The following ADGRE3 variants were observed in gnomAD, a reference collection of about 807,000 sequenced individuals.
The protein encoded by ADGRE3 is EGF-like module receptor 3.
In ADGRE3, 88 loss-of-function variants were observed where a neutral mutation model predicts 80.1. That is an observed-to-expected ratio of 1.10 (90% CI 0.93 to 1.31). The LOEUF is 1.31. Ranked by LOEUF, ADGRE3 falls within the 40% of genes most tolerant of loss-of-function variation. The pLI is 0.00. For missense variants in ADGRE3, 715 were observed against 776.5 expected (o/e 0.92, Z 0.94); for synonymous variants, 281 against 294.8 (o/e 0.95, Z 0.48).
rs377703147 is a variant in ADGRE3, at chr19:14,641,432, C to T, written c.1235G>A (p.Arg412Gln). 65 of 1,614,032 alleles carry T rather than the reference C, an allele frequency of 4.0e-5. No homozygotes were observed. Among genetic ancestry groups the T allele is most frequent in the African/African-American group, 2.3e-4 (17 of 74,994 alleles). The stretch of plus-strand genomic sequence containing the variant: ...CACTGTCAGTACCTTGGGTTCAGTT[C>T]GATCAATCCCCACGAGGAAGAGGAG... ...AHLLFLVGIDRTEPKVLCSII... is the reference protein window; with the variant it reads ...AHLLFLVGIDQTEPKVLCSII... The change falls in exon 10 of 16, where the codon CGA becomes CAA. Residue 412 changes from arginine to glutamine, a missense_variant. Arg to Gln is a conservative substitution (Grantham distance 43). Coordinates refer to ENST00000253673, the MANE Select transcript of ADGRE3 (RefSeq NM_032571.5).
At chr19:14,649,460 C>G (rs1971523347) in intron 7 of ADGRE3, among the ~76,000 whole-genome samples, 1 of 146,942 alleles carries the variant, frequency 6.8e-6, no homozygotes, top group Non-Finnish European at 1.5e-5. Context: ...CTCTTTCCAC[C>G]TTTTTCCCCA....
intron 4 of ADGRE3, among the ~76,000 whole-genome samples, chr19:14,659,822 GAAAAAAAAA>G (rs66908687): frequency 2.2e-5 from 1 of 44,840 alleles, no homozygotes; most frequent in Non-Finnish European, 3.9e-5. Flanking sequence ...CTCTGCCTCT[GAAAAAAAAA>G]AAAAAAAAAA....
At chr19:14,624,187 C>T (rs749683374) in intron 15 of ADGRE3, among the ~76,000 whole-genome samples, 4 of 151,910 alleles carry the variant, frequency 2.6e-5, no homozygotes, top group Admixed American at 6.6e-5. Flanking sequence ...CTCTGCTGCC[C>T]GGATTCAAGC....
chr19:14,604,593 T>C, the ADGRE3 span, among the ~76,000 whole-genome samples: 1 of 151,948 alleles, frequency 6.6e-6, no homozygotes, highest in Non-Finnish European at 1.5e-5. Context: ...TGAAACCCTG[T>C]TTCTACTAAA....
chr19:14,644,095 A>T lies in ADGRE3; in HGVS notation c.1050+13T>A, dbSNP rs747232328. 1 of 1,465,526 alleles carries T rather than the reference A, an allele frequency of 6.8e-7. No individual in the cohort carries two copies. Among genetic ancestry groups the T allele is most frequent in the Non-Finnish European group, 9.1e-7 (1 of 1,101,772 alleles). 90.8% of individuals were successfully genotyped at this position (1,465,526 alleles called of 1,614,324 possible). A position where few individuals can be genotyped will look rare whatever the true frequency, so the allele number is the denominator to read the frequency against. ...AAAGTATTTGCTGGAAGAATAAAAC[A>T]TATACATCATACCTGGCTGGTCAGG... On this transcript the variant is annotated intron_variant, in intron 9 of 15. Transcript: ENST00000253673.
intron 2 of ADGRE3, 102 bp from the exon 3 acceptor site, chr19:14,663,642 C>A: frequency 7.3e-7 from 1 of 1,377,338 alleles, no homozygotes. Context: ...AGTTCAAGAG[C>A]AGCCTGGCCA....
chr19:14,608,659 A>G, the ADGRE3 span, among the ~76,000 whole-genome samples: 1 of 134,806 alleles, frequency 7.4e-6, no homozygotes, highest in Non-Finnish European at 1.6e-5. Context: ...TTTGAGACAG[A>G]GTCTCACTCT....
intron 15 of ADGRE3, chr19:14,621,834 T>A: frequency 9.6e-7 from 1 of 1,045,820 alleles, no homozygotes; most frequent in East Asian, 2.6e-5. Context: ...CCAGCTACAA[T>A]TGGAATGATG....
chr19:14,636,133 T>TTCCTTCCTTCCTTC (rs1555755829), intron 11 of ADGRE3, among the ~76,000 whole-genome samples: 8 of 37,810 alleles, frequency 2.1e-4, no homozygotes, highest in East Asian at 1.1e-3. Flanking sequence ...TTTCTTTCTT[T>TTCCTTCCTTCCTTC]CTTTCTTTCT....
chr19:14,665,949 T>TATATATATA (rs1972089210), intron 2 of ADGRE3, among the ~76,000 whole-genome samples: 1 of 104,252 alleles, frequency 9.6e-6, no homozygotes, highest in African/African-American at 3.4e-5. Flanking sequence ...TATATATATA[T>TATATATATA]ATATATATAT....
At chr19:14,617,307 C>T (rs1200857591), downstream of ADGRE3, among the ~76,000 whole-genome samples, 6 of 141,526 alleles carry the variant, frequency 4.2e-5, no homozygotes, top group Non-Finnish European at 9.4e-5. Flanking sequence ...CTCTTCCTCT[C>T]TCTCTTCCCC....
rs1971955638 is a variant in ADGRE3 at position 14,661,958 on chromosome 19, C to T, written c.355+5G>A. The T allele has an allele frequency of 6.2e-7, 1 of 1,613,724 alleles. No homozygotes were observed. The highest frequency in any genetic ancestry group is 8.5e-7 in the Non-Finnish European group (1 of 1,179,740). On this transcript the variant is annotated splice_donor_5th_base_variant and intron_variant, in intron 4 of 15. Coordinates refer to ENST00000253673, the MANE Select transcript of ADGRE3 (RefSeq NM_032571.5). ...AGGAAGGCAGGAGGACAAAAATGTT[C>T]TTACCCTGACAGGTGTTCTCATTGG...
At position 14,644,201 on chromosome 19, in the gene ADGRE3, A is replaced by T; in HGVS notation, c.957T>A (p.Asp319Glu). The change falls in exon 9 of 16, where the codon GAT becomes GAA. Residue 319 changes from aspartate (D) to glutamate (E), a missense_variant. Physicochemically the swap from Asp to Glu is conservative, Grantham distance 45 (BLOSUM62 2). Coordinates refer to ENST00000253673, the MANE Select transcript of ADGRE3 (RefSeq NM_032571.5). ...STGQGSQWSRDGCFLIHVNKS... is the reference protein window; with the variant it reads ...STGQGSQWSREGCFLIHVNKS... ...TGTTCACGTGTATCAGGAAGCAGCC[A>T]TCCCTGGACCACTGGCTGCCCTGCC... The T allele has an allele frequency of 6.2e-7, 1 of 1,609,076 alleles. No individual in the cohort carries two copies. Among genetic ancestry groups the T allele is most frequent in the Non-Finnish European group, 8.5e-7 (1 of 1,177,798 alleles).
chr19:14,636,081 C>CTTTCTTTCTTTCTTTCTCTTTCTTT (rs1555755785), intron 11 of ADGRE3, among the ~76,000 whole-genome samples: 1 of 24,604 alleles, frequency 4.1e-5, no homozygotes, highest in Non-Finnish European at 8.2e-5. Flanking sequence ...CTTTCCTTTC[C>CTTTCTTTCTTTCTTTCTCTTTCTTT]CTTTCTTTCT....
chr19:14,641,458 G>A lies in ADGRE3; in HGVS notation c.1209C>T (p.His403=). ...GATCAATCCCCACGAGGAAGAGGAG[G>A]TGGGCCAGGAAGAGGCAGAGCGAGA... ...LQLSLCLFLA[H]LLFLVGIDRT... is the part of the protein sequence containing the mutation. The change falls in exon 10 of 16, where the codon CAC becomes CAT. Residue 403 remains histidine (H), a synonymous_variant. Coordinates refer to ENST00000253673, the MANE Select transcript of ADGRE3 (RefSeq NM_032571.5). 1 of 1,614,182 alleles carries A rather than the reference G, an allele frequency of 6.2e-7. No individual in the cohort carries two copies. Among genetic ancestry groups the A allele is most frequent in the Non-Finnish European group, 8.5e-7 (1 of 1,180,030 alleles).
intron 7 of ADGRE3, among the ~76,000 whole-genome samples, chr19:14,649,364 ATC>A (rs1401928800): frequency 1.6e-5 from 1 of 64,380 alleles, no homozygotes; most frequent in African/African-American, 6.4e-5. Flanking sequence ...CTCTCTCCCC[ATC>A]TCTCTTTCCA....
chr19:14,620,568 ATTTTTTTT>A lies in ADGRE3; in HGVS notation c.1921-1105_1921-1098del, dbSNP rs1189295641. On this transcript the variant is annotated intron_variant, in intron 15 of 15. Transcript: ENST00000253673. ...ATATATTATATATATATATATATAT[ATTTTTTTT>A]TTTTTTTTTTTTTTTTTTTTTGAGA... Among the ~76,000 whole-genome samples, 98 of 11,034 alleles carry A rather than the reference ATTTTTTTT, an allele frequency of 8.9e-3. 8 individuals are homozygous for A. The highest frequency in any genetic ancestry group is 0.013 in the African/African-American group (32 of 2,450). The allele number at this position is 11,034 out of a possible 152,430, so 7.2% of individuals were successfully genotyped here.
intron 14 of ADGRE3, among the ~76,000 whole-genome samples, chr19:14,626,645 G>A (rs940302445): frequency 1.3e-5 from 2 of 152,122 alleles, no homozygotes; most frequent in Non-Finnish European, 2.9e-5. Flanking sequence ...TATTTGAGGG[G>A]TGATCCCAAG....
At chr19:14,654,856 A>G (rs187661548) in intron 6 of ADGRE3, 126 bp downstream of exon 6, 1 of 674,014 alleles carries the variant, frequency 1.5e-6, no homozygotes, top group Non-Finnish European at 2.4e-6. Flanking sequence ...TAGAATTTAT[A>G]TAAATTTTTG....
Sources: gnomAD v4.1 joint callset for allele counts (sites outside exome capture counted in the v4.1 genomes callset) on GRCh38, gnomAD v4.1.1 for gene constraint, MANE v1.5 for transcripts, NCBI Gene and HGNC (gene_info 2026-07-23, HGNC 2026-07-21) for gene names.